The following MAGI3 variants were observed in gnomAD, a reference collection of about 807,000 sequenced individuals.
The protein encoded by MAGI3 is membrane-associated guanylate kinase, WW and PDZ domain-containing protein 3.
MAGI3 carries 43 observed loss-of-function variants against 121.8 expected under a neutral mutation model. The ratio of observed to expected loss-of-function variants is 0.35; its 90% CI spans 0.28 to 0.46. MAGI3 has a LOEUF of 0.46. Among genes scored for constraint, MAGI3 ranks in the 20% least tolerant of loss-of-function variants. MAGI3 has a pLI of 1.00. For missense variants in MAGI3, 1,547 were observed against 1,797.3 expected (o/e 0.86, Z 2.52); for synonymous variants, 553 against 639.3 (o/e 0.86, Z 2.04).
At chr1:113,401,736 A>G (rs1040736098) in intron 1 of MAGI3, among the ~76,000 whole-genome samples, 13 of 152,216 alleles carry the variant, frequency 8.5e-5, no homozygotes, top group Admixed American at 2.6e-4. Flanking sequence ...CTTTAGAATT[A>G]GGGATCTTTT....
intron 1 of MAGI3, among the ~76,000 whole-genome samples, chr1:113,411,449 G>C (rs1651978393): frequency 6.6e-6 from 1 of 151,774 alleles, no homozygotes; most frequent in African/African-American, 2.4e-5. Context: ...GCAAATTTAG[G>C]CCGTTTTTAT....
At chr1:113,597,699 C>G (rs567319143) in intron 6 of MAGI3, among the ~76,000 whole-genome samples, 59 of 152,184 alleles carry the variant, frequency 3.9e-4, no homozygotes, top group Non-Finnish European at 6.6e-4. Flanking sequence ...GATTGGAGTT[C>G]TATCTTTAAC....
chr1:113,477,429 C>G (rs929162294), intron 1 of MAGI3, among the ~76,000 whole-genome samples: 5 of 152,176 alleles, frequency 3.3e-5, no homozygotes, highest in African/African-American at 1.2e-4. Context: ...CTGGTGGTGA[C>G]AAAATCTCTC....
At chr1:113,397,080 G>T (rs896762969) in intron 1 of MAGI3, among the ~76,000 whole-genome samples, 4 of 152,086 alleles carry the variant, frequency 2.6e-5, no homozygotes, top group Admixed American at 6.5e-5. Flanking sequence ...ATACTATATT[G>T]TACTGTTTGT....
chr1:113,443,401 G>A (rs1654014279), intron 1 of MAGI3, among the ~76,000 whole-genome samples: 1 of 152,164 alleles, frequency 6.6e-6, no homozygotes, highest in Non-Finnish European at 1.5e-5. Context: ...ATGGAATTGA[G>A]TAATAACAAG....
chr1:113,559,567 C>CTTTT (rs200737453), intron 2 of MAGI3, among the ~76,000 whole-genome samples: 18 of 150,586 alleles, frequency 1.2e-4, no homozygotes, highest in Non-Finnish European at 1.5e-4. Flanking sequence ...CATAAAGTTC[C>CTTTT]TTTTTTTTGT....
intron 2 of MAGI3, among the ~76,000 whole-genome samples, chr1:113,573,507 G>C (rs1221595214): frequency 6.6e-6 from 1 of 152,100 alleles, no homozygotes; most frequent in East Asian, 1.9e-4. Flanking sequence ...GTGCAGTTTT[G>C]GGTGAGTTTC....
At chr1:113,412,275 A>T (rs376517052) in intron 1 of MAGI3, among the ~76,000 whole-genome samples, 1 of 152,002 alleles carries the variant, frequency 6.6e-6, no homozygotes, top group African/African-American at 2.4e-5. Context: ...TCTATCATTG[A>T]TGGACATTTG....
chr1:113,431,452 CA>C (rs2101420738), intron 1 of MAGI3, among the ~76,000 whole-genome samples: 1 of 152,046 alleles, frequency 6.6e-6, no homozygotes, highest in South Asian at 2.1e-4. Context: ...AAGGAAGAAA[CA>C]AAGTGGTATT....
At chr1:113,639,129 C>T (rs1334131814) in intron 9 of MAGI3, among the ~76,000 whole-genome samples, 4 of 152,316 alleles carry the variant, frequency 2.6e-5, no homozygotes, top group African/African-American at 7.2e-5. Context: ...TTCCAGGTGC[C>T]GTCTGTCACC....
At chr1:113,593,572 T>G (rs373275405) in intron 5 of MAGI3, among the ~76,000 whole-genome samples, 1 of 152,190 alleles carries the variant, frequency 6.6e-6, no homozygotes, top group South Asian at 2.1e-4. Flanking sequence ...TAACAATAAC[T>G]TTAATTTACA....
intron 16 of MAGI3, among the ~76,000 whole-genome samples, chr1:113,661,171 G>A (rs1271371407): frequency 6.6e-6 from 1 of 152,122 alleles, no homozygotes; most frequent in African/African-American, 2.4e-5. Flanking sequence ...AGGGGTTAAA[G>A]GTGAAAATAT....
chr1:113,407,538 A>G (rs1282695095), intron 1 of MAGI3, among the ~76,000 whole-genome samples: 1 of 150,784 alleles, frequency 6.6e-6, no homozygotes, highest in Non-Finnish European at 1.5e-5. Flanking sequence ...TTGCTTTATT[A>G]TACATTAACC....
chr1:113,529,234 G>A (rs1658594677), intron 1 of MAGI3, among the ~76,000 whole-genome samples: 1 of 152,164 alleles, frequency 6.6e-6, no homozygotes, highest in African/African-American at 2.4e-5. Flanking sequence ...CTGTGTAACT[G>A]TCCTTGTTAA....
At chr1:113,639,333 G>A (rs900584701) in intron 9 of MAGI3, among the ~76,000 whole-genome samples, 4 of 152,196 alleles carry the variant, frequency 2.6e-5, no homozygotes, top group Admixed American at 6.5e-5. Context: ...CGTCGCTCAC[G>A]CTGGGAACTG....
intron 2 of MAGI3, among the ~76,000 whole-genome samples, chr1:113,558,903 C>T (rs989866892): frequency 1.6e-4 from 24 of 151,956 alleles, no homozygotes; most frequent in African/African-American, 5.8e-4. Flanking sequence ...GAGATTGGGG[C>T]CAGTAGTCAA....
At chr1:113,662,889 TA>T (rs1401739742) in intron 16 of MAGI3, among the ~76,000 whole-genome samples, 2 of 152,320 alleles carry the variant, frequency 1.3e-5, no homozygotes, top group East Asian at 3.9e-4. Flanking sequence ...TTTTTCTTTT[TA>T]ATTGGGATAG....
chr1:113,619,898 G>A (rs1231155324), intron 8 of MAGI3, 68 bp downstream of exon 8: 1 of 1,161,182 alleles, frequency 8.6e-7, no homozygotes, highest in Non-Finnish European at 1.3e-6. Context: ...GTTAATAAAA[G>A]TGAGTTTGAA....
chr1:113,539,417 A>G (rs542650676), intron 1 of MAGI3, among the ~76,000 whole-genome samples: 27 of 152,022 alleles, frequency 1.8e-4, no homozygotes, highest in East Asian at 9.6e-4. Flanking sequence ...AGAAAAAGCA[A>G]AAAGTTTATT....
Sources: allele counts gnomAD v4.1 joint callset (sites outside exome capture counted in the v4.1 genomes callset), GRCh38; gene constraint gnomAD v4.1.1; transcripts MANE v1.5; gene names NCBI Gene and HGNC (gene_info 2026-07-23, HGNC 2026-07-21).